Variants in SULT2B1 observed in about 807,000 individuals in gnomAD.
The protein encoded by SULT2B1 is sulfotransferase 2B1.
In SULT2B1, 16 loss-of-function variants were observed where a neutral mutation model predicts 33.2. That is an observed-to-expected ratio of 0.48 (90% CI 0.33 to 0.73). SULT2B1 has a LOEUF of 0.73. Ranked by LOEUF, SULT2B1 falls within the 30% of genes least tolerant of loss-of-function variation. SULT2B1 has a pLI of 0.02. For missense variants in SULT2B1, 500 were observed against 506.0 expected, an observed-to-expected ratio of 0.99 and a Z score of 0.11; for synonymous variants, 186 against 200.5, an observed-to-expected ratio of 0.93 and a Z score of 0.61.
chr19:48,576,452 C>CG (rs1272667009), intron 2 of SULT2B1, among the ~76,000 whole-genome samples: 4 of 103,118 alleles, frequency 3.9e-5, no homozygotes, highest in Non-Finnish European at 6.4e-5. Context: ...CTGCCTTGGC[C>CG]TCCCAAAGTG....
At chr19:48,585,389 C>T (rs73053554) in intron 2 of SULT2B1, among the ~76,000 whole-genome samples, 4,778 of 151,784 alleles carry the variant, frequency 0.031, 91 homozygotes, top group Middle Eastern at 0.051. Flanking sequence ...GAACCTCAGC[C>T]GGGCGCAGTG....
At chr19:48,570,039 AC>A (rs1973299364) in intron 1 of SULT2B1, among the ~76,000 whole-genome samples, 1 of 152,126 alleles carries the variant, frequency 6.6e-6, no homozygotes, top group African/African-American at 2.4e-5. Flanking sequence ...TAGGACGACA[AC>A]ATCATTGGAG....
At chr19:48,573,923 G>A (rs185523439) in intron 1 of SULT2B1, among the ~76,000 whole-genome samples, 95 of 152,162 alleles carry the variant, frequency 6.2e-4, no homozygotes, top group Non-Finnish European at 9.9e-4. Flanking sequence ...GTGCAGTGGC[G>A]CAATCTCAGC....
At chr19:48,583,674 C>T (rs1168550533) in intron 2 of SULT2B1, among the ~76,000 whole-genome samples, 4 of 151,954 alleles carry the variant, frequency 2.6e-5, no homozygotes, top group African/African-American at 7.3e-5. Context: ...AAAAATTAGC[C>T]GGGCCTGGTG....
intron 1 of SULT2B1, among the ~76,000 whole-genome samples, chr19:48,572,468 C>G (rs565432219): frequency 6.6e-6 from 1 of 151,896 alleles, no homozygotes; most frequent in South Asian, 2.1e-4. Flanking sequence ...GAGCTGAGAT[C>G]ACACCACTAC....
intron 2 of SULT2B1, among the ~76,000 whole-genome samples, chr19:48,582,486 T>C (rs1973505746): frequency 6.6e-6 from 1 of 152,182 alleles, no homozygotes; most frequent in African/African-American, 2.4e-5. Flanking sequence ...AAGAATTGCT[T>C]GGTCAGAGTC....
rs1973406323 is a variant in SULT2B1 at position 48,576,353 on chromosome 19, A to ATTTTTTTT, written c.214+270_214+271insTTTTTTTT. 1.4e-4 allele frequency among the ~76,000 whole-genome samples: 3 copies of ATTTTTTTT among 21,378 alleles called. 1 individual carries two copies. The highest frequency in any genetic ancestry group is 3.1e-4 in the Non-Finnish European group (3 of 9,758). 14.0% of individuals were successfully genotyped at this position (21,378 alleles called of 152,430 possible). On this transcript the variant is annotated intron_variant, in intron 2 of 6. Coordinates refer to ENST00000201586, the MANE Select transcript of SULT2B1 (RefSeq NM_177973.2). Reference sequence around the variant, plus strand: ...TTCCTCCCTTTCCCCTTTACCCTCTACTTCTCTTTTTTTTTTTTTTTTTTG... The same window carrying ATTTTTTTT: ...TTCCTCCCTTTCCCCTTTACCCTCTATTTTTTTTCTTCTCTTTTTTTTTTTTTTTTTTG...
chr19:48,559,364 T>C (rs1973146036), intron 1 of SULT2B1, among the ~76,000 whole-genome samples: 1 of 150,816 alleles, frequency 6.6e-6, no homozygotes, highest in East Asian at 2.0e-4. Context: ...TTTTGTTTTG[T>C]TTTGTTTTGT....
rs1973043448 is a variant in SULT2B1 at position 48,552,551 on chromosome 19, G to T, written c.71+228G>T. On this transcript the variant is annotated intron_variant, in intron 1 of 6. Coordinates refer to ENST00000201586, the MANE Select transcript of SULT2B1 (RefSeq NM_177973.2). This position sits in a 1 kb window ranked among gnomAD's most constrained non-coding sequence, Gnocchi z 4.8. ...GTTGAGTCACCAGTGGGGATGCCTG[G>T]GGTGTCCCTGTCGCTCTCCGGGCCT... Among the ~76,000 whole-genome samples the T allele has an allele frequency of 6.6e-6, 1 of 152,152 alleles. No individual in the cohort carries two copies. The highest frequency in any genetic ancestry group is 1.5e-5 in the Non-Finnish European group (1 of 68,020).
At chr19:48,562,576 A>G (rs189839141) in intron 1 of SULT2B1, among the ~76,000 whole-genome samples, 26 of 152,208 alleles carry the variant, frequency 1.7e-4, no homozygotes, top group African/African-American at 6.3e-4. Flanking sequence ...AATAGAAATA[A>G]AAAATCATAT....
intron 2 of SULT2B1, among the ~76,000 whole-genome samples, chr19:48,576,640 CTTTTTTTT>C (rs71335805): frequency 1.7e-5 from 2 of 116,512 alleles, no homozygotes; most frequent in Admixed American, 9.1e-5. Flanking sequence ...AAATTGTATA[CTTTTTTTT>C]TTTTTTTTTT....
chr19:48,576,214 GC>G, intron 2 of SULT2B1, 131 bp downstream of exon 2: 1 of 748,834 alleles, frequency 1.3e-6, no homozygotes, highest in Non-Finnish European at 2.1e-6. Flanking sequence ...CGGTGCCCCT[GC>G]CAGAAGTAGC....
chr19:48,572,329 A>G (rs1381342426), intron 1 of SULT2B1, among the ~76,000 whole-genome samples: 1 of 152,134 alleles, frequency 6.6e-6, no homozygotes, highest in Admixed American at 6.6e-5. Context: ...CCTGGCTAAC[A>G]CAGTGAAACC....
intron 1 of SULT2B1, among the ~76,000 whole-genome samples, chr19:48,559,960 A>T (rs1173009909): frequency 8.5e-6 from 1 of 117,598 alleles, no homozygotes; most frequent in Non-Finnish European, 1.7e-5. Flanking sequence ...ATCTCTCTTT[A>T]AAAAAAAAAA....
intron 2 of SULT2B1, among the ~76,000 whole-genome samples, chr19:48,585,798 G>A (rs1202317727): frequency 6.6e-6 from 1 of 152,136 alleles, no homozygotes; most frequent in Non-Finnish European, 1.5e-5. Context: ...CCTGCACGTT[G>A]TGCACATGTA....
intron 1 of SULT2B1, among the ~76,000 whole-genome samples, chr19:48,568,288 A>T (rs1973270603): frequency 6.8e-6 from 1 of 147,316 alleles, no homozygotes; most frequent in Non-Finnish European, 1.5e-5. Context: ...TCCATCTCAA[A>T]AAAAAAAAAA....
chr19:48,596,966 G>A (rs751146133), intron 6 of SULT2B1, 47 bp downstream of exon 6: 3 of 1,509,846 alleles, frequency 2.0e-6, no homozygotes, highest in South Asian at 2.5e-5. Context: ...CTGCCCGGCT[G>A]TGTGACCTGG....
In SULT2B1 at chr19:48,592,764, G is replaced by A. The variant is rs376235752; in HGVS notation, c.593G>A (p.Arg198Gln). The change falls in exon 5 of 7, where the codon CGG (arginine) becomes CAG (glutamine). Residue 198 changes from arginine to glutamine, a missense_variant. Arg to Gln is a conservative substitution (Grantham distance 43, BLOSUM62 1). Transcript: ENST00000201586. ...TTCGACCACATTAAGGGCTGGCTTC[G>A]GATGAAGGGCAAAGACAACTTCCTA... Reference protein sequence around the residue: ...SWFDHIKGWLRMKGKDNFLFI... With the variant: ...SWFDHIKGWLQMKGKDNFLFI... 1.3e-5 allele frequency: 21 copies of A among 1,597,884 alleles called. No homozygotes were observed. The highest frequency in any genetic ancestry group is 6.7e-5 in the East Asian group (3 of 44,494).
chr19:48,577,651 C>T lies in SULT2B1; in HGVS notation c.214+1568C>T, dbSNP rs186291695. 2.2e-3 allele frequency among the ~76,000 whole-genome samples: 329 copies of T among 151,940 alleles called. 2 individuals are homozygous for T. Among genetic ancestry groups the T allele is most frequent in the African/African-American group, 7.1e-3 (295 of 41,462 alleles). Reference sequence around the variant, plus strand: ...AGTGCTGCGATTACAGGTGTGAGCCCGGTCAATAAGTAGCATTTAAATGAC... The same window carrying T: ...AGTGCTGCGATTACAGGTGTGAGCCTGGTCAATAAGTAGCATTTAAATGAC... On this transcript the variant is annotated intron_variant, in intron 2 of 6. Transcript: ENST00000201586.
Sources: allele counts gnomAD v4.1 joint callset (sites outside exome capture counted in the v4.1 genomes callset), GRCh38; gene constraint gnomAD v4.1.1; non-coding constraint Gnocchi (gnomAD v3.1); transcripts MANE v1.5; gene names NCBI Gene and HGNC (gene_info 2026-07-23, HGNC 2026-07-21).